The following BICD2 variants were observed in gnomAD, a reference collection of about 807,000 sequenced individuals.
BICD2 encodes BICD cargo adaptor 2.
Under a neutral mutation model 72.9 loss-of-function variants are expected in BICD2, and 25 were observed. The ratio of observed to expected loss-of-function variants is 0.34; its 90% CI spans 0.25 to 0.48. The LOEUF (loss-of-function observed/expected upper bound fraction) is 0.48. BICD2 is among the 20% of genes least tolerant of loss of function. BICD2 has a pLI of 0.99. For missense variants in BICD2, 894 were observed against 1,175.2 expected, an observed-to-expected ratio of 0.76 and a Z score of 3.50; for synonymous variants, 501 against 516.1, an observed-to-expected ratio of 0.97 and a Z score of 0.40.
At chr9:92,721,918 C>T (rs1402234275) in intron 3 of BICD2, among the ~76,000 whole-genome samples, 2 of 152,226 alleles carry the variant, frequency 1.3e-5, no homozygotes, top group Non-Finnish European at 2.9e-5. Flanking sequence ...TGAGCTTCCT[C>T]CTCCGGGCAT....
Position 92,719,199 on chromosome 9 carries a change from C to G in BICD2, c.1446G>C (p.Thr482=). The part of the protein sequence containing the change: ...GRYEAEGQAL[T]EKVSLLEKAS... ...CCTTCTCTAGCAGGGAGACCTTCTC[C>G]GTGAGTGCCTGGCCCTCAGCCTCAT... is the stretch of plus-strand genomic sequence containing the variant. The change falls in exon 5 of 7, where the codon ACG becomes ACC. Residue 482 remains threonine, a synonymous_variant. Coordinates refer to ENST00000356884, the MANE Select transcript of BICD2 (RefSeq NM_001003800.2). 6.2e-7 allele frequency: 1 copy of G among 1,610,822 alleles called. No individual in the cohort carries two copies. The highest frequency in any genetic ancestry group is 2.2e-5 in the East Asian group (1 of 44,878).
chr9:92,757,473 G>GA (rs1338930508), intron 1 of BICD2, among the ~76,000 whole-genome samples: 4 of 151,706 alleles, frequency 2.6e-5, no homozygotes, highest in African/African-American at 9.7e-5. Flanking sequence ...TGACACTAAA[G>GA]AATTTTTGTT....
At position 92,730,161 on chromosome 9, in the gene BICD2, C is replaced by T. The variant is rs575097884; in HGVS notation, c.241-925G>A. Among the ~76,000 whole-genome samples the T allele has an allele frequency of 1.2e-4, 19 of 152,306 alleles. No individual in the cohort carries two copies. The South Asian group carries it at 3.3e-3, about 27-fold the overall frequency. On this transcript the variant is annotated intron_variant, in intron 1 of 6. Transcript: ENST00000356884. ...TTCCATGGGTAGAGGGCAGACGGGC[C>T]GCAGTGTGTCACCCCCAGCAGCCCG...
At chr9:92,746,504 C>G (rs977419572) in intron 1 of BICD2, among the ~76,000 whole-genome samples, 8 of 150,604 alleles carry the variant, frequency 5.3e-5, no homozygotes, top group Admixed American at 1.3e-4. Context: ...TGCACTCCAG[C>G]CTGGGCGACA....
In BICD2 at chr9:92,719,061, C is replaced by A; in HGVS notation, c.1584G>T (p.Val528=). The A allele has an allele frequency of 6.2e-7, 1 of 1,613,080 alleles. No individual in the cohort carries two copies. The highest frequency in any genetic ancestry group is 8.5e-7 in the Non-Finnish European group (1 of 1,179,984). The change falls in exon 5 of 7, where the codon GTG becomes GTT. Residue 528 remains valine (V), a synonymous_variant. Transcript: ENST00000356884. ...GATTGGCCAGCTCCTCACTGAAGGT[C>A]ACCAGCTCATCCTGGGCCACACTCA... ...GSLSVAQDEL[V]TFSEELANLY...
At chr9:92,751,468 A>T (rs1854148674) in intron 1 of BICD2, among the ~76,000 whole-genome samples, 1 of 152,174 alleles carries the variant, frequency 6.6e-6, no homozygotes, top group African/African-American at 2.4e-5. Context: ...TTTGGAAATA[A>T]GTAGAGTCTA....
intron 2 of BICD2, among the ~76,000 whole-genome samples, chr9:92,728,529 G>A (rs1363123491): frequency 3.3e-5 from 5 of 152,196 alleles, no homozygotes; most frequent in South Asian, 2.1e-4. Flanking sequence ...GGCTACTGGC[G>A]GTGGTCTCCA....
chr9:92,722,797 A>G lies in BICD2; in HGVS notation c.465T>C (p.Asn155=). Reference sequence around the variant, plus strand: ...GCAGGCGGCCACGCTGGATCTCCACATTCTGGTTGATCTGTTGGGGGAGAG... The same window carrying G: ...GCAGGCGGCCACGCTGGATCTCCACGTTCTGGTTGATCTGTTGGGGGAGAG... The part of the protein sequence containing the change: ...VAQELKEINQ[N]VEIQRGRLRD... The change falls in exon 3 of 7, where the codon AAT becomes AAC. Residue 155 remains asparagine, a synonymous_variant. Coordinates refer to ENST00000356884, the MANE Select transcript of BICD2 (RefSeq NM_001003800.2). 2 of 1,614,054 alleles carry G rather than the reference A, an allele frequency of 1.2e-6. No individual in the cohort carries two copies. Among genetic ancestry groups the G allele is most frequent in the Non-Finnish European group, 1.7e-6 (2 of 1,180,010 alleles).
intron 1 of BICD2, among the ~76,000 whole-genome samples, chr9:92,757,397 AAAGT>A (rs1221390990): frequency 6.6e-6 from 1 of 152,088 alleles, no homozygotes; most frequent in East Asian, 1.9e-4. Flanking sequence ...CTGAAGAAAC[AAAGT>A]AACTGTAAAA....
At chr9:92,747,055 C>G (rs1318358026) in intron 1 of BICD2, among the ~76,000 whole-genome samples, 1 of 152,172 alleles carries the variant, frequency 6.6e-6, no homozygotes, top group Non-Finnish European at 1.5e-5. Context: ...GTGAACCACA[C>G]CAATATGGAA....
Position 92,720,312 on chromosome 9 carries a change from C to T in BICD2, c.1050G>A (p.Gln350=), listed in dbSNP as rs368860496. ...LNISEIQKLK[Q]QLMQMEREKA... ...ACTGCCTGCTCACCTGCATCAGCTGCTGCTTCAGCTTCTGGATCTCAGAGA... is the reference window on the plus strand; with the variant it reads ...ACTGCCTGCTCACCTGCATCAGCTGTTGCTTCAGCTTCTGGATCTCAGAGA... Residue 350 remains glutamine (Q), a synonymous_variant, in exon 4 of 7, where the codon CAG becomes CAA. Transcript: ENST00000356884. This position sits in a 1 kb window ranked among gnomAD's most constrained non-coding sequence, Gnocchi z 5.4. 4.6e-4 allele frequency: 744 copies of T among 1,609,528 alleles called. 1 individual carries two copies. The highest frequency in any genetic ancestry group is 4.7e-4 in the Non-Finnish European group (559 of 1,177,364).
chr9:92,763,708 C>A (rs1018944387), intron 1 of BICD2, among the ~76,000 whole-genome samples: 4 of 150,892 alleles, frequency 2.7e-5, no homozygotes, highest in African/African-American at 4.9e-5. Flanking sequence ...AACCTACTCT[C>A]CCCCCAGTGG....
rs1853451364 is a variant in BICD2 at position 92,720,856 on chromosome 9, A to G, written c.607-101T>C. 1 of 1,273,330 alleles carries G rather than the reference A, an allele frequency of 7.9e-7. No individual in the cohort carries two copies. The highest frequency in any genetic ancestry group is 1.5e-5 in the African/African-American group (1 of 66,680). The allele number at this position is 1,273,330 out of a possible 1,614,324, so 78.9% of individuals were successfully genotyped here. Reference sequence around the variant, plus strand: ...CACCAGCACACCAACTCCGGCCACTATGAAGCAAAAGATGAAGCGCCAGGT... The same window carrying G: ...CACCAGCACACCAACTCCGGCCACTGTGAAGCAAAAGATGAAGCGCCAGGT... On this transcript the variant is annotated intron_variant, in intron 3 of 6. Transcript: ENST00000356884. This position sits in a 1 kb window ranked among gnomAD's most constrained non-coding sequence, Gnocchi z 5.4.
At position 92,713,642 on chromosome 9, in the gene BICD2, G is replaced by A. The variant is rs1408242551; in HGVS notation, c.*1512C>T. On this transcript the variant is annotated 3_prime_UTR_variant, in exon 7 of 7. Coordinates refer to ENST00000356884, the MANE Select transcript of BICD2 (RefSeq NM_001003800.2). ...TGTCTGCAAAGTCCCTTAGGAGTATGGAGAGAAGCTATGTGCCAGGCTTGC... is the reference window on the plus strand; with the variant it reads ...TGTCTGCAAAGTCCCTTAGGAGTATAGAGAGAAGCTATGTGCCAGGCTTGC... 2 of 1,473,040 alleles carry A rather than the reference G, an allele frequency of 1.4e-6. No individual in the cohort carries two copies. Among genetic ancestry groups the A allele is most frequent in the African/African-American group, 2.8e-5 (2 of 71,312 alleles). The allele number at this position is 1,473,040 out of a possible 1,614,324, so 91.2% of individuals were successfully genotyped here.
In BICD2 at chr9:92,715,316, G is replaced by T; in HGVS notation, c.2406C>A (p.Asp802Glu). 6.2e-7 allele frequency: 1 copy of T among 1,612,914 alleles called. No homozygotes were observed. Among genetic ancestry groups the T allele is most frequent in the Non-Finnish European group, 8.5e-7 (1 of 1,179,870 alleles). ...CACGGCCACGCCGGGTCTGCTCATG[G>T]TCCAGCTCGAGCAGCTCCAGCCGCT... Reference protein sequence around the residue: ...LTQRLELLELDHEQTRRGRAK... With the variant: ...LTQRLELLELEHEQTRRGRAK... The change falls in exon 7 of 7, where the codon GAC (aspartate) becomes GAA (glutamate). Residue 802 changes from aspartate to glutamate, a missense_variant. This residue lies in a region of BICD2 where 321 missense variants were observed against 443.9 expected (regional missense o/e 0.72). Transcript: ENST00000356884.
Position 92,718,937 on chromosome 9 carries a change from C to T in BICD2, c.1708G>A (p.Gly570Arg), listed in dbSNP as rs1478607428. ...CGCGCCTCGGGGCTGGTGCGGCCCC[C>T]GGGACTGGTGCGGCCGGCCCCGCCC... ...GQGGAGRTSP[G>R]GRTSPEARGR... The change falls in exon 5 of 7, where the codon GGG becomes AGG. Residue 570 changes from glycine to arginine, a missense_variant. Physicochemically the swap from Gly to Arg is moderately radical, Grantham distance 125 (BLOSUM62 -2). This residue lies in a region of BICD2 where 321 missense variants were observed against 443.9 expected (regional missense o/e 0.72). Transcript: ENST00000356884. 6 of 1,608,624 alleles carry T rather than the reference C, an allele frequency of 3.7e-6. No individual in the cohort carries two copies. The highest frequency in any genetic ancestry group is 1.7e-5 in the Admixed American group (1 of 59,908).
intron 1 of BICD2, among the ~76,000 whole-genome samples, chr9:92,763,635 G>A (rs916460736): frequency 6.6e-6 from 1 of 152,182 alleles, no homozygotes; most frequent in East Asian, 1.9e-4. Flanking sequence ...AGAAGCTGGG[G>A]AAGGACTGTC....
chr9:92,762,727 G>C (rs1206065630), intron 1 of BICD2, among the ~76,000 whole-genome samples: 2 of 152,222 alleles, frequency 1.3e-5, no homozygotes, highest in Non-Finnish European at 2.9e-5. Context: ...TTAAGTCAGC[G>C]ACAATTCCTT....
At chr9:92,760,449 C>T (rs1407727564) in intron 1 of BICD2, among the ~76,000 whole-genome samples, 1 of 152,168 alleles carries the variant, frequency 6.6e-6, no homozygotes, top group African/African-American at 2.4e-5. Context: ...GATTGAGATA[C>T]ACAAGTGCCC....
Sources: gnomAD v4.1 joint callset for allele counts (sites outside exome capture counted in the v4.1 genomes callset) on GRCh38, gnomAD v4.1.1 for gene constraint, gnomAD v4.1.1 regional missense constraint, Gnocchi (gnomAD v3.1) non-coding constraint, MANE v1.5 for transcripts, NCBI Gene and HGNC (gene_info 2026-07-23, HGNC 2026-07-21) for gene names.